CNTN6: variants seen among roughly 807,000 people sequenced by gnomAD.
CNTN6 encodes the protein contactin 6.
CNTN6 carries 137 observed loss-of-function variants against 122.8 expected under a neutral mutation model. The ratio of observed to expected loss-of-function variants is 1.12; its 90% CI spans 0.97 to 1.29. The LOEUF is 1.29. Ranked by LOEUF, CNTN6 falls within the 50% of genes most tolerant of loss-of-function variation. CNTN6 has a pLI of 0.00. For missense variants in CNTN6, 1,634 were observed against 1,223.4 expected (o/e 1.34, Z -5.01); for synonymous variants, 570 against 426.0 (o/e 1.34, Z -4.16).
Position 1,278,457 on chromosome 3 carries a change from C to A in CNTN6, c.403C>A (p.Arg135=). Residue 135 remains arginine, a synonymous_variant, in exon 5 of 23, where the codon CGA becomes AGA. Transcript: ENST00000446702. The part of the protein sequence containing the change: ...ETKTRSTVSV[R]EGQGVVLLCG... ...TAAAACAAGAAGCACAGTATCTGTC[C>A]GAGAAGGTCAAGGTGTGGTGCTTCT... The A allele has an allele frequency of 6.2e-7, 1 of 1,612,278 alleles. No individual in the cohort carries two copies. Among genetic ancestry groups the A allele is most frequent in the East Asian group, 2.2e-5 (1 of 44,830 alleles).
At chr3:1,101,604 A>G (rs2090901052) in intron 1 of CNTN6, among the ~76,000 whole-genome samples, 1 of 152,184 alleles carries the variant, frequency 6.6e-6, no homozygotes, top group South Asian at 2.1e-4. Flanking sequence ...GTAATAGGCA[A>G]TGGAACATTT....
At chr3:1,278,083 C>T (rs1407111199) in intron 4 of CNTN6, among the ~76,000 whole-genome samples, 1 of 152,190 alleles carries the variant, frequency 6.6e-6, no homozygotes, top group Non-Finnish European at 1.5e-5. Context: ...ACATACCTTT[C>T]TAAAATCACA....
chr3:1,290,105 G>A (rs1695087895), intron 5 of CNTN6, among the ~76,000 whole-genome samples: 1 of 152,198 alleles, frequency 6.6e-6, no homozygotes, highest in African/African-American at 2.4e-5. Context: ...AGAGTCTGAG[G>A]GTGGAGCCCA....
chr3:1,335,544 C>T (rs529159915), intron 11 of CNTN6, among the ~76,000 whole-genome samples: 6 of 152,234 alleles, frequency 3.9e-5, no homozygotes, highest in South Asian at 4.1e-4. Flanking sequence ...ATTCAGGAAT[C>T]ACCTCCTGAA....
chr3:1,269,563 T>G (rs2094987657), intron 4 of CNTN6, among the ~76,000 whole-genome samples: 1 of 152,220 alleles, frequency 6.6e-6, no homozygotes, highest in Non-Finnish European at 1.5e-5. Flanking sequence ...GTATATTTAT[T>G]TTTGTCATAA....
At chr3:1,312,334 A>G (rs1414664861) in intron 7 of CNTN6, among the ~76,000 whole-genome samples, 1 of 151,882 alleles carries the variant, frequency 6.6e-6, no homozygotes, top group Non-Finnish European at 1.5e-5. Flanking sequence ...ATATATATGT[A>G]TATGTATATT....
Position 1,383,144 on chromosome 3 carries a change from G to A in CNTN6, c.2369G>A (p.Ser790Asn), listed in dbSNP as rs73095001. 3 of 1,613,986 alleles carry A rather than the reference G, an allele frequency of 1.9e-6. No homozygotes were observed. Among genetic ancestry groups the A allele is most frequent in the Non-Finnish European group, 2.5e-6 (3 of 1,179,882 alleles). Residue 790 changes from serine to asparagine, a missense_variant, in exon 18 of 23, where the codon AGT becomes AAT. Transcript: ENST00000446702. ...VYNNEGEGSLSTVTIVYSGED... is the reference protein window; with the variant it reads ...VYNNEGEGSLNTVTIVYSGED... ...AATAATGAAGGAGAAGGATCCCTGA[G>A]TACTGTGACCATTGTCTACTCTGGG...
At chr3:1,296,301 A>C (rs1340796904) in intron 6 of CNTN6, among the ~76,000 whole-genome samples, 4 of 152,126 alleles carry the variant, frequency 2.6e-5, no homozygotes, top group African/African-American at 9.7e-5. Flanking sequence ...ACCAACATTA[A>C]TTATGAGCAT....
chr3:1,319,961 A>G (rs1478794491), intron 7 of CNTN6, among the ~76,000 whole-genome samples: 1 of 151,706 alleles, frequency 6.6e-6, no homozygotes, highest in Non-Finnish European at 1.5e-5. Flanking sequence ...ATAATACCTC[A>G]TATCCTATAA....
At chr3:1,199,979 A>T (rs991486148) in intron 2 of CNTN6, among the ~76,000 whole-genome samples, 1 of 152,212 alleles carries the variant, frequency 6.6e-6, no homozygotes, top group African/African-American at 2.4e-5. Context: ...TGGAAAATTA[A>T]GATAAAGGCC....
chr3:1,133,819 T>G (rs150466521), intron 1 of CNTN6, among the ~76,000 whole-genome samples: 2,186 of 152,162 alleles, frequency 0.014, 64 homozygotes, highest in African/African-American at 0.049. Context: ...GAAACATGTG[T>G]TCTCATATTC....
intron 7 of CNTN6, among the ~76,000 whole-genome samples, chr3:1,307,934 G>A (rs192446778): frequency 9.9e-5 from 15 of 152,094 alleles, no homozygotes; most frequent in Non-Finnish European, 2.1e-4. Context: ...TTTTTATCAG[G>A]GTTCTCCACT....
At chr3:1,118,134 C>T (rs1247065235) in intron 1 of CNTN6, among the ~76,000 whole-genome samples, 1 of 152,104 alleles carries the variant, frequency 6.6e-6, no homozygotes, top group East Asian at 1.9e-4. Flanking sequence ...AACTCTGCTG[C>T]GGTGGTTGTT....
At chr3:1,199,521 G>T (rs1424069099) in intron 2 of CNTN6, among the ~76,000 whole-genome samples, 1 of 151,982 alleles carries the variant, frequency 6.6e-6, no homozygotes, top group African/African-American at 2.4e-5. Flanking sequence ...AAAATTGGTT[G>T]CAGCAGCACT....
At position 1,353,479 on chromosome 3, in the gene CNTN6, A is replaced by G. The variant is rs377050738; in HGVS notation, c.1492+1028A>G. ...AGTATTCTGGGGAAATGTGACTGAT[A>G]AAACTTGGTGTGTCAAAATCCAACC... On this transcript the variant is annotated intron_variant, in intron 12 of 22. Coordinates refer to ENST00000446702, the MANE Select transcript of CNTN6 (RefSeq NM_001289080.2). Among the ~76,000 whole-genome samples, 5 of 151,770 alleles carry G rather than the reference A, an allele frequency of 3.3e-5. 1 individual carries two copies. The highest frequency in any genetic ancestry group is 9.6e-5 in the African/African-American group (4 of 41,510).
chr3:1,098,781 C>CATATATAT (rs1251889784), intron 1 of CNTN6, among the ~76,000 whole-genome samples: 1 of 60,926 alleles, frequency 1.6e-5, no homozygotes, highest in Non-Finnish European at 2.6e-5. Context: ...CACACACACA[C>CATATATAT]ACACACACAT....
chr3:1,255,321 G>C (rs2094735939), intron 4 of CNTN6, among the ~76,000 whole-genome samples: 1 of 151,894 alleles, frequency 6.6e-6, no homozygotes, highest in African/African-American at 2.4e-5. Context: ...CTCTCCCATG[G>C]TGATATGAGG....
intron 12 of CNTN6, among the ~76,000 whole-genome samples, chr3:1,353,708 GA>G (rs963906298): frequency 2.6e-5 from 4 of 151,444 alleles, no homozygotes; most frequent in East Asian, 1.9e-4. Context: ...TCATTAACGG[GA>G]AAAAAAGATA....
intron 19 of CNTN6, 53 bp downstream of exon 19, chr3:1,383,461 A>G (rs913332274): frequency 2.3e-6 from 3 of 1,315,560 alleles, no homozygotes; most frequent in Non-Finnish European, 3.3e-6. Flanking sequence ...GGACTTCGCA[A>G]TAGCTCCTAT....
Sources: allele counts gnomAD v4.1 joint callset (sites outside exome capture counted in the v4.1 genomes callset), GRCh38; gene constraint gnomAD v4.1.1; transcripts MANE v1.5; gene names NCBI Gene and HGNC (gene_info 2026-07-23, HGNC 2026-07-21).